Variants in PCDH9 observed in about 807,000 individuals in gnomAD.
The protein encoded by PCDH9 is protocadherin-9.
A neutral mutation model predicts 70.6 loss-of-function variants in PCDH9; 24 were observed. The ratio of observed to expected loss-of-function variants is 0.34; its 90% confidence interval spans 0.25 to 0.48. PCDH9 has a LOEUF of 0.48. PCDH9 is among the 20% of genes least tolerant of loss of function. The probability of loss-of-function intolerance (pLI) is 0.99; values close to 1 mark genes in which losing one functional copy is unlikely to be tolerated. For missense variants in PCDH9, 1,281 were observed against 1,503.6 expected, an observed-to-expected ratio of 0.85 and a Z score of 2.45; for synonymous variants, 562 against 558.5, an observed-to-expected ratio of 1.01 and a Z score of -0.09.
intron 4 of PCDH9, among the ~76,000 whole-genome samples, chr13:66,403,491 A>G (rs1388232939): frequency 6.6e-6 from 1 of 152,122 alleles, no homozygotes; most frequent in Non-Finnish European, 1.5e-5. Context: ...TATGCATTTT[A>G]TAGTGATAAA....
intron 2 of PCDH9, among the ~76,000 whole-genome samples, chr13:67,140,099 G>C (rs1468501364): frequency 2.4e-5 from 3 of 125,326 alleles, no homozygotes; most frequent in Non-Finnish European, 4.7e-5. Flanking sequence ...GGTTAAATCA[G>C]AAAAGAGCAT....
intron 3 of PCDH9, among the ~76,000 whole-genome samples, chr13:66,882,179 G>A (rs888289208): frequency 3.3e-5 from 5 of 152,136 alleles, no homozygotes; most frequent in African/African-American, 1.2e-4. Flanking sequence ...TTTATCTCAT[G>A]TGCCATGGAG....
chr13:67,156,013 T>A (rs183638845), intron 2 of PCDH9, among the ~76,000 whole-genome samples: 1 of 152,180 alleles, frequency 6.6e-6, no homozygotes, highest in Admixed American at 6.5e-5. Context: ...ATACAGTATC[T>A]TTAAGGATGC....
intron 3 of PCDH9, among the ~76,000 whole-genome samples, chr13:66,729,986 T>C (rs149787312): frequency 5.9e-5 from 9 of 152,188 alleles, no homozygotes; most frequent in Non-Finnish European, 1.2e-4. Context: ...GAATAATATA[T>C]GTTTAACAAA....
chr13:66,662,932 C>G (rs1404496504), intron 3 of PCDH9, among the ~76,000 whole-genome samples: 13 of 152,144 alleles, frequency 8.5e-5, no homozygotes, highest in Admixed American at 8.5e-4. Context: ...TTTTCTATAA[C>G]TATACAATAT....
chr13:66,468,895 T>C (rs1337818537), intron 4 of PCDH9, among the ~76,000 whole-genome samples: 1 of 152,038 alleles, frequency 6.6e-6, no homozygotes, highest in Non-Finnish European at 1.5e-5. Flanking sequence ...AAAGATATAG[T>C]CAGGCTGCAC....
intron 3 of PCDH9, among the ~76,000 whole-genome samples, chr13:66,851,259 T>C (rs1292856104): frequency 6.6e-6 from 1 of 152,146 alleles, no homozygotes; most frequent in Non-Finnish European, 1.5e-5. Flanking sequence ...TCTGACTGAA[T>C]TGCAAAATTC....
intron 4 of PCDH9, among the ~76,000 whole-genome samples, chr13:66,405,292 T>C (rs1302912520): frequency 6.6e-6 from 1 of 152,222 alleles, no homozygotes; most frequent in African/African-American, 2.4e-5. Flanking sequence ...TTCAAGATGT[T>C]GTTTGCAATA....
rs369777273 is a variant in PCDH9 at position 66,981,265 on chromosome 13, C to T, written c.3037-77660G>A. Reference sequence around the variant, plus strand: ...CATCGTGGCTAACACGGTGAAACTCCGTCTCTACTAAAAATACAAAAAGTT... The same window carrying T: ...CATCGTGGCTAACACGGTGAAACTCTGTCTCTACTAAAAATACAAAAAGTT... On this transcript the variant is annotated intron_variant, in intron 2 of 4. Coordinates refer to ENST00000377865, the MANE Select transcript of PCDH9 (RefSeq NM_203487.3). Among the ~76,000 whole-genome samples the T allele has an allele frequency of 4.8e-3, 729 of 151,898 alleles. 10 individuals carry two copies. Among genetic ancestry groups the T allele is most frequent in the African/African-American group, 0.017 (695 of 41,470 alleles).
chr13:67,106,595 C>A (rs1200865421), intron 2 of PCDH9, among the ~76,000 whole-genome samples: 3 of 152,192 alleles, frequency 2.0e-5, no homozygotes, highest in Admixed American at 2.0e-4. Flanking sequence ...CTGGCTGCAG[C>A]GGAGGAGGTG....
chr13:66,659,585 G>C (rs1466014293), intron 3 of PCDH9, among the ~76,000 whole-genome samples: 2 of 129,554 alleles, frequency 1.5e-5, no homozygotes, highest in Non-Finnish European at 3.4e-5. Context: ...GCAAAGAAGA[G>C]GTTTGCTTAA....
At chr13:66,554,412 T>C (rs1370063948) in intron 4 of PCDH9, among the ~76,000 whole-genome samples, 1 of 152,180 alleles carries the variant, frequency 6.6e-6, no homozygotes, top group Non-Finnish European at 1.5e-5. Context: ...TTTTGAATGA[T>C]TAAGGCTATT....
chr13:66,586,280 A>T (rs2076961544), intron 4 of PCDH9, among the ~76,000 whole-genome samples: 1 of 152,182 alleles, frequency 6.6e-6, no homozygotes, highest in Admixed American at 6.5e-5. Context: ...TAATAGATGC[A>T]CACATAGAGA....
chr13:66,689,007 G>C (rs2078444467), intron 3 of PCDH9, among the ~76,000 whole-genome samples: 1 of 152,084 alleles, frequency 6.6e-6, no homozygotes. Flanking sequence ...TTGCATTGAA[G>C]ACCAATAGAT....
rs191677682 is a variant in PCDH9, at chr13:66,303,016, T to G, written c.*1639A>C. On this transcript the variant is annotated 3_prime_UTR_variant, in exon 5 of 5. Coordinates refer to ENST00000377865, the MANE Select transcript of PCDH9 (RefSeq NM_203487.3). ...CCCTACCCATTATTTTCCATTATAC[T>G]GTGGAAAAATGTGAACTGCTATTTA... 366 of 152,620 alleles carry G rather than the reference T, an allele frequency of 2.4e-3. No homozygotes were observed. The highest frequency in any genetic ancestry group is 3.6e-3 in the Non-Finnish European group (242 of 67,968). 9.5% of individuals were successfully genotyped at this position (152,620 alleles called of 1,614,324 possible).
intron 2 of PCDH9, among the ~76,000 whole-genome samples, chr13:66,936,226 A>C (rs2082913910): frequency 2.0e-5 from 3 of 152,202 alleles, no homozygotes; most frequent in Non-Finnish European, 1.5e-5. Flanking sequence ...AATCAGTCTC[A>C]TTTGGAATAT....
rs181375946 is a variant in PCDH9, at chr13:66,622,140, C to G, written c.3340+9070G>C. On this transcript the variant is annotated intron_variant, in intron 4 of 4. Transcript: ENST00000377865. ...TGGGTCCCCCAGCAGTGCTGGCCCACGGGCACTGCACTCGATTTGTCACCG... is the reference window on the plus strand; with the variant it reads ...TGGGTCCCCCAGCAGTGCTGGCCCAGGGGCACTGCACTCGATTTGTCACCG... Among the ~76,000 whole-genome samples the G allele has an allele frequency of 5.3e-5, 8 of 152,346 alleles. No individual in the cohort carries two copies. The East Asian group carries it at 9.7e-4, about 18-fold the overall frequency.
At chr13:67,013,074 T>G (rs536016656) in intron 2 of PCDH9, among the ~76,000 whole-genome samples, 1 of 152,038 alleles carries the variant, frequency 6.6e-6, no homozygotes, top group East Asian at 1.9e-4. Context: ...ATAGTAGTCT[T>G]TTTTATTAAT....
intron 2 of PCDH9, among the ~76,000 whole-genome samples, chr13:66,923,893 C>A (rs536109479): frequency 3.1e-4 from 47 of 151,846 alleles, no homozygotes; most frequent in African/African-American, 1.1e-3. Context: ...TGTCCATTTT[C>A]TGTTTAAATA....
Sources: allele counts gnomAD v4.1 joint callset (sites outside exome capture counted in the v4.1 genomes callset), GRCh38; gene constraint gnomAD v4.1.1; transcripts MANE v1.5; gene names NCBI Gene and HGNC (gene_info 2026-07-23, HGNC 2026-07-21).